The following ZEB2 variants were observed in gnomAD, a reference collection of about 807,000 sequenced individuals.
ZEB2 encodes zinc finger E-box-binding homeobox 2.
A neutral mutation model predicts 99.9 loss-of-function variants in ZEB2; 6 were observed. The observed-to-expected ratio is 0.06, with a 90% confidence interval of 0.03 to 0.12. The LOEUF (loss-of-function observed/expected upper bound fraction) is 0.12, where lower values mean the gene tolerates loss of function less well. Ranked by LOEUF, ZEB2 falls within the 10% of genes least tolerant of loss-of-function variation. The pLI, the probability that ZEB2 is intolerant of heterozygous loss-of-function variation, is 1.00. For synonymous variants in ZEB2, 517 were observed against 542.5 expected, an observed-to-expected ratio of 0.95 and a Z score of 0.65; for missense variants, 969 against 1,502.8, an observed-to-expected ratio of 0.64 and a Z score of 5.87.
chr2:144,517,377 C>T lies in ZEB2; in HGVS notation c.-27G>A. 6.2e-7 allele frequency: 1 copy of T among 1,613,298 alleles called. No homozygotes were observed. Among genetic ancestry groups the T allele is most frequent in the Non-Finnish European group, 8.5e-7 (1 of 1,179,582 alleles). ...GATAAGAGCGGATCAGATGGCAGTTCGCATGGACTCGGCGCCCTGCTTCGG... is the reference window on the plus strand; with the variant it reads ...GATAAGAGCGGATCAGATGGCAGTTTGCATGGACTCGGCGCCCTGCTTCGG... On this transcript the variant is annotated 5_prime_UTR_variant, in exon 2 of 10. Transcript: ENST00000627532.
intron 4 of ZEB2, among the ~76,000 whole-genome samples, chr2:144,407,517 T>C (rs1024490440): frequency 4.6e-5 from 7 of 152,200 alleles, no homozygotes; most frequent in Admixed American, 2.6e-4. Context: ...TTGCATAAAG[T>C]ATTTGCTCAT....
In ZEB2 at chr2:144,396,608, A is replaced by G; in HGVS notation, c.2887-16T>C. 6.2e-7 allele frequency: 1 copy of G among 1,610,586 alleles called. No individual in the cohort carries two copies. Among genetic ancestry groups the G allele is most frequent in the Non-Finnish European group, 8.5e-7 (1 of 1,179,048 alleles). The stretch of plus-strand genomic sequence containing the variant: ...GCAATTCTCCCTGCGATAGAATCAC[A>G]CAGTTCAATACAGTGGCTTCTCTTT... On this transcript the variant is annotated splice_polypyrimidine_tract_variant and intron_variant, in intron 8 of 9. Coordinates refer to ENST00000627532, the MANE Select transcript of ZEB2 (RefSeq NM_014795.4).
At chr2:144,516,039 T>A (rs1162404056) in intron 2 of ZEB2, 1 of 152,132 alleles carries the variant, frequency 6.6e-6, no homozygotes, top group Non-Finnish European at 1.5e-5. Context: ...GGAGGCCGGG[T>A]GGGCGCTGCG....
chr2:144,393,847 G>A (rs568149423), intron 9 of ZEB2, among the ~76,000 whole-genome samples: 43 of 152,178 alleles, frequency 2.8e-4, no homozygotes, highest in Non-Finnish European at 2.6e-4. Context: ...GCAATGTTTC[G>A]AGGCAGCAGC....
At chr2:144,496,509 G>T (rs1451745462) in intron 2 of ZEB2, 1 of 152,180 alleles carries the variant, frequency 6.6e-6, no homozygotes, top group Non-Finnish European at 1.5e-5. Context: ...TTCACTCAGA[G>T]AAACAGAATC....
intron 2 of ZEB2, among the ~76,000 whole-genome samples, chr2:144,493,762 G>A (rs893644725): frequency 6.6e-6 from 1 of 152,130 alleles, no homozygotes; most frequent in African/African-American, 2.4e-5. Flanking sequence ...TATTAAAATA[G>A]TATCTTAAAT....
intron 2 of ZEB2, among the ~76,000 whole-genome samples, chr2:144,500,341 T>C (rs1704850315): frequency 1.3e-5 from 2 of 152,246 alleles, no homozygotes; most frequent in South Asian, 4.1e-4. Flanking sequence ...AATTGTTTTG[T>C]TTCCCTGGTA....
intron 4 of ZEB2, 82 bp from the exon 5 acceptor site, chr2:144,405,106 G>T: frequency 6.9e-7 from 1 of 1,438,948 alleles, no homozygotes; most frequent in Non-Finnish European, 9.6e-7. Context: ...TAGCCAGTGA[G>T]AAATGCTGAC....
intron 2 of ZEB2, chr2:144,512,906 A>G: frequency 7.8e-7 from 1 of 1,287,262 alleles, no homozygotes; most frequent in Non-Finnish European, 1.0e-6. Context: ...AACCTGCCCC[A>G]GTGCTTTGAA....
At chr2:144,506,487 A>G (rs1269473902) in intron 2 of ZEB2, among the ~76,000 whole-genome samples, 2 of 152,200 alleles carry the variant, frequency 1.3e-5, no homozygotes, top group Non-Finnish European at 2.9e-5. Flanking sequence ...AAAACTGAGA[A>G]TTCTCATGAT....
At chr2:144,507,701 G>A (rs1036563873) in intron 2 of ZEB2, among the ~76,000 whole-genome samples, 1 of 151,996 alleles carries the variant, frequency 6.6e-6, no homozygotes, top group Non-Finnish European at 1.5e-5. Flanking sequence ...TAGTTTCTTG[G>A]GTCACAAATG....
intron 4 of ZEB2, among the ~76,000 whole-genome samples, chr2:144,413,364 G>A (rs1703490805): frequency 6.6e-6 from 1 of 152,226 alleles, no homozygotes; most frequent in Non-Finnish European, 1.5e-5. Context: ...AACACTTGCT[G>A]TGAAGTGAAG....
intron 4 of ZEB2, among the ~76,000 whole-genome samples, chr2:144,418,662 C>T (rs55636104): frequency 0.1 from 15,551 of 150,650 alleles, 920 homozygotes; most frequent in East Asian, 0.15. Context: ...CACTCCAGCC[C>T]GGGCAAAAAG....
At position 144,430,392 on chromosome 2, in the gene ZEB2, T is replaced by G. The variant is rs1573744371; in HGVS notation, c.74-366A>C. ...TCTACAATAGACAATTTTATTAGCTTAGAGACATGAAGTATTTACTATATA... is the reference window on the plus strand; with the variant it reads ...TCTACAATAGACAATTTTATTAGCTGAGAGACATGAAGTATTTACTATATA... On this transcript the variant is annotated intron_variant, in intron 2 of 9. Coordinates refer to ENST00000627532, the MANE Select transcript of ZEB2 (RefSeq NM_014795.4). The G allele has an allele frequency of 1.3e-5, 4 of 302,704 alleles. No individual in the cohort carries two copies. The South Asian group carries it at 1.3e-4, about 10-fold the overall frequency. 18.8% of individuals were successfully genotyped at this position (302,704 alleles called of 1,614,324 possible).
chr2:144,513,949 T>G (rs1165908071), intron 2 of ZEB2: 52 of 1,432,152 alleles, frequency 3.6e-5, no homozygotes, highest in Non-Finnish European at 4.6e-5. Context: ...CACATTCTTG[T>G]CTGCGGGCAA....
chr2:144,514,447 T>C (rs961118486), intron 2 of ZEB2: 1 of 152,264 alleles, frequency 6.6e-6, no homozygotes, highest in Non-Finnish European at 1.5e-5. Flanking sequence ...TTCTATATGA[T>C]TTTGATAAGC....
chr2:144,501,559 T>C (rs1475469955), intron 2 of ZEB2, among the ~76,000 whole-genome samples: 2 of 152,106 alleles, frequency 1.3e-5, no homozygotes, highest in African/African-American at 4.8e-5. Flanking sequence ...TCATTTAGAG[T>C]AATTTAAAGA....
chr2:144,513,556 T>C (rs1425524401), intron 2 of ZEB2: 1 of 1,530,058 alleles, frequency 6.5e-7, no homozygotes. Flanking sequence ...GATTTGATTT[T>C]TGCTACAACG....
chr2:144,457,011 C>A (rs937508503), intron 2 of ZEB2, among the ~76,000 whole-genome samples: 3 of 152,146 alleles, frequency 2.0e-5, no homozygotes, highest in Admixed American at 6.6e-5. Context: ...GCAGCACCCC[C>A]CAAAGGTCTG....
Sources: allele counts gnomAD v4.1 joint callset (sites outside exome capture counted in the v4.1 genomes callset), GRCh38; gene constraint gnomAD v4.1.1; transcripts MANE v1.5; gene names NCBI Gene and HGNC (gene_info 2026-07-23, HGNC 2026-07-21).